Variants in RFC1 observed in about 807,000 individuals in gnomAD.
RFC1 encodes replication factor C subunit 1.
RFC1 carries 37 observed loss-of-function variants against 137.4 expected under a neutral mutation model. The ratio of observed to expected loss-of-function variants is 0.27; its 90% CI spans 0.21 to 0.35. The LOEUF (loss-of-function observed/expected upper bound fraction) is 0.35, where lower values mean the gene tolerates loss of function less well. Among genes scored for constraint, RFC1 ranks in the 10% least tolerant of loss-of-function variants. The probability of loss-of-function intolerance (pLI) is 1.00; values close to 1 mark genes in which losing one functional copy is unlikely to be tolerated. For missense variants in RFC1, 1,205 were observed against 1,358.5 expected, an observed-to-expected ratio of 0.89 and a Z score of 1.78; for synonymous variants, 429 against 455.7, an observed-to-expected ratio of 0.94 and a Z score of 0.75.
chr4:39,302,881 G>T lies in RFC1; in HGVS notation c.2203-7C>A, dbSNP rs1467232032. 6.4e-7 allele frequency: 1 copy of T among 1,573,422 alleles called. No homozygotes were observed. The highest frequency in any genetic ancestry group is 2.2e-5 in the East Asian group (1 of 44,544). On this transcript the variant is annotated splice_region_variant and splice_polypyrimidine_tract_variant and intron_variant, in intron 16 of 24. Transcript: ENST00000349703. ...TTATCAGGCCAATTAATTCCTGAAA[G>T]GCAAGTTTGCAACACAAAAATAATT...
chr4:39,357,629 T>C (rs78360048), intron 1 of RFC1, among the ~76,000 whole-genome samples: 43 of 151,712 alleles, frequency 2.8e-4, no homozygotes, highest in Admixed American at 7.2e-4. Flanking sequence ...TTTTTTTTTT[T>C]CCCTTGAGAC....
intron 6 of RFC1, among the ~76,000 whole-genome samples, chr4:39,325,143 C>T (rs752014330): frequency 3.9e-5 from 6 of 152,186 alleles, no homozygotes; most frequent in Non-Finnish European, 8.8e-5. Flanking sequence ...CATCCAGTTA[C>T]ACAGGTTTAA....
chr4:39,302,296 G>T lies in RFC1; in HGVS notation c.2517C>A (p.Ala839=). 6.2e-7 allele frequency: 1 copy of T among 1,608,156 alleles called. No homozygotes were observed. Among genetic ancestry groups the T allele is most frequent in the Non-Finnish European group, 8.5e-7 (1 of 1,174,714 alleles). Residue 839 remains alanine, a synonymous_variant, in exon 19 of 25, where the codon GCC becomes GCA. Coordinates refer to ENST00000349703, the MANE Select transcript of RFC1 (RefSeq NM_002913.5). ...YDQAKADSHR[A]KKDIKMGPFD... ...ATTTTACCATTTTGATATCCTTTTT[G>T]GCTCTGTGAGAATCAGCTTTGGCCT...
At chr4:39,342,268 G>A (rs1452973704) in intron 4 of RFC1, 77 bp downstream of exon 4, 2 of 1,445,510 alleles carry the variant, frequency 1.4e-6, no homozygotes, top group Admixed American at 4.3e-5. Context: ...CAAAGTGAAG[G>A]AGGTACATTT....
At chr4:39,343,713 A>T (rs1740715021) in intron 3 of RFC1, among the ~76,000 whole-genome samples, 2 of 152,258 alleles carry the variant, frequency 1.3e-5, no homozygotes, top group South Asian at 4.1e-4. Context: ...ATAGAGCAAT[A>T]AAAGGCACAG....
intron 1 of RFC1, among the ~76,000 whole-genome samples, chr4:39,360,946 A>G (rs1303651237): frequency 6.6e-6 from 1 of 152,238 alleles, no homozygotes; most frequent in Non-Finnish European, 1.5e-5. Context: ...ATGAGCAGAA[A>G]TGGATTATCA....
chr4:39,299,391 G>C (rs1006367227), intron 21 of RFC1, among the ~76,000 whole-genome samples: 2 of 151,944 alleles, frequency 1.3e-5, no homozygotes, highest in Non-Finnish European at 2.9e-5. Flanking sequence ...AGTGCCGCTG[G>C]GTTAGGGTCT....
intron 4 of RFC1, among the ~76,000 whole-genome samples, chr4:39,329,163 T>G (rs1739954439): frequency 1.3e-5 from 1 of 75,520 alleles, no homozygotes; most frequent in African/African-American, 4.8e-5. Context: ...AGCTTTTCGA[T>G]TTGGCCTATA....
At chr4:39,358,563 T>C (rs921982940) in intron 1 of RFC1, among the ~76,000 whole-genome samples, 13 of 152,198 alleles carry the variant, frequency 8.5e-5, no homozygotes, top group African/African-American at 2.9e-4. Flanking sequence ...CCCCTGCCCT[T>C]ACAGAGCTTA....
chr4:39,338,348 A>G (rs963437171), intron 4 of RFC1, among the ~76,000 whole-genome samples: 5 of 152,240 alleles, frequency 3.3e-5, no homozygotes, highest in Admixed American at 2.6e-4. Flanking sequence ...GCTGTATAAT[A>G]ATATAAGCAA....
intron 11 of RFC1, 126 bp downstream of exon 11, chr4:39,312,626 A>G: frequency 1.1e-6 from 1 of 912,248 alleles, no homozygotes; most frequent in Non-Finnish European, 1.6e-6. Flanking sequence ...AGAAGAAATA[A>G]TGTAGGCAAG....
At chr4:39,343,778 T>G (rs752793794) in intron 3 of RFC1, among the ~76,000 whole-genome samples, 22 of 152,260 alleles carry the variant, frequency 1.4e-4, no homozygotes, top group Admixed American at 2.6e-4. Context: ...CTGTGAAAAT[T>G]TTGACAATCC....
chr4:39,293,639 A>T (rs1253802677), intron 22 of RFC1, among the ~76,000 whole-genome samples: 1 of 152,148 alleles, frequency 6.6e-6, no homozygotes, highest in Non-Finnish European at 1.5e-5. Context: ...ATAATGGCCT[A>T]AATATGACCC....
chr4:39,304,557 T>G (rs1464941361), intron 15 of RFC1, among the ~76,000 whole-genome samples: 3 of 152,208 alleles, frequency 2.0e-5, no homozygotes, highest in African/African-American at 7.2e-5. Flanking sequence ...AGGATTCACC[T>G]GTGAATCCTC....
intron 11 of RFC1, among the ~76,000 whole-genome samples, chr4:39,312,506 TA>T (rs1273748862): frequency 6.6e-6 from 1 of 151,856 alleles, no homozygotes; most frequent in Non-Finnish European, 1.5e-5. Context: ...TCTTCAAAAA[TA>T]AAAAAAGACT....
Position 39,314,715 on chromosome 4 carries a change from G to A in RFC1, c.1204-1784C>T, listed in dbSNP as rs1023415199. The stretch of plus-strand genomic sequence containing the variant: ...GGCCGACCTTCTCGCTCCCCACTCC[G>A]GTCCCAGCTACACCATCTCTCCCTC... On this transcript the variant is annotated intron_variant, in intron 10 of 24. Coordinates refer to ENST00000349703, the MANE Select transcript of RFC1 (RefSeq NM_002913.5). 8.5e-5 allele frequency among the ~76,000 whole-genome samples: 13 copies of A among 152,054 alleles called. No homozygotes were observed. The East Asian group carries it at 1.4e-3, about 16-fold the overall frequency.
At chr4:39,308,501 C>T in intron 13 of RFC1, 135 bp downstream of exon 13, 1 of 1,249,386 alleles carries the variant, frequency 8.0e-7, no homozygotes, top group Non-Finnish European at 1.1e-6. Flanking sequence ...TAGTACTGCA[C>T]CTGGGTTCAG....
intron 2 of RFC1, among the ~76,000 whole-genome samples, chr4:39,351,026 A>G (rs907636095): frequency 2.6e-5 from 4 of 151,930 alleles, no homozygotes; most frequent in African/African-American, 4.8e-5. Flanking sequence ...CAAGGCGGGC[A>G]GATCACGAGG....
chr4:39,355,104 CACACACACA>C (rs1741404646), intron 1 of RFC1, among the ~76,000 whole-genome samples: 1 of 51,990 alleles, frequency 1.9e-5, no homozygotes, highest in Non-Finnish European at 5.1e-5. Flanking sequence ...AAAATACACA[CACACACACA>C]CACACACACA....
Sources: allele counts gnomAD v4.1 joint callset (sites outside exome capture counted in the v4.1 genomes callset), GRCh38; gene constraint gnomAD v4.1.1; transcripts MANE v1.5; gene names NCBI Gene and HGNC (gene_info 2026-07-23, HGNC 2026-07-21).